DYNC1I1: variants seen among roughly 807,000 people sequenced by gnomAD.
The protein encoded by DYNC1I1 is cytoplasmic dynein 1 intermediate chain 1.
DYNC1I1 carries 43 observed loss-of-function variants against 86.6 expected under a neutral mutation model. The ratio of observed to expected loss-of-function variants is 0.50; its 90% CI spans 0.39 to 0.64. The LOEUF (loss-of-function observed/expected upper bound fraction) is 0.64, where lower values mean the gene tolerates loss of function less well. Among genes scored for constraint, DYNC1I1 ranks in the 30% least tolerant of loss-of-function variants. The pLI, the probability that DYNC1I1 is intolerant of heterozygous loss-of-function variation, is 0.00. For missense variants in DYNC1I1, 604 were observed against 788.8 expected (o/e 0.77, Z 2.81); for synonymous variants, 262 against 283.7 (o/e 0.92, Z 0.77).
At chr7:96,094,932 C>A (rs750304784) in intron 16 of DYNC1I1, among the ~76,000 whole-genome samples, 8 of 151,990 alleles carry the variant, frequency 5.3e-5, no homozygotes, top group Non-Finnish European at 1.2e-4. Context: ...AACAAATATC[C>A]CTAAAAAACA....
At chr7:95,866,711 A>G (rs1790026047) in intron 5 of DYNC1I1, among the ~76,000 whole-genome samples, 1 of 152,262 alleles carries the variant, frequency 6.6e-6, no homozygotes, top group Non-Finnish European at 1.5e-5. Flanking sequence ...TCCAGAGATC[A>G]TATGGAAAGA....
chr7:95,834,926 C>T (rs1789033009), intron 5 of DYNC1I1, among the ~76,000 whole-genome samples: 1 of 151,700 alleles, frequency 6.6e-6, no homozygotes, highest in South Asian at 2.1e-4. Context: ...AAGCCAGCTC[C>T]TGGATTCATT....
intron 16 of DYNC1I1, among the ~76,000 whole-genome samples, chr7:96,107,959 T>A (rs1161964544): frequency 6.7e-6 from 1 of 149,688 alleles, no homozygotes; most frequent in Non-Finnish European, 1.5e-5. Flanking sequence ...CAACTATTAA[T>A]CTTATTGAGG....
chr7:95,820,337 G>C (rs1249449215), intron 4 of DYNC1I1, among the ~76,000 whole-genome samples: 3 of 152,166 alleles, frequency 2.0e-5, no homozygotes, highest in African/African-American at 7.2e-5. Flanking sequence ...TGTGACAGAT[G>C]AGTGATATGA....
chr7:95,950,983 A>G (rs1258552801), intron 6 of DYNC1I1, among the ~76,000 whole-genome samples: 2 of 152,206 alleles, frequency 1.3e-5, no homozygotes, highest in African/African-American at 4.8e-5. Flanking sequence ...TAACACTTCA[A>G]AATGAAATTG....
chr7:96,036,358 G>A (rs1794926858), intron 13 of DYNC1I1, among the ~76,000 whole-genome samples: 1 of 152,148 alleles, frequency 6.6e-6, no homozygotes, highest in Admixed American at 6.5e-5. Flanking sequence ...GAACAAGACA[G>A]ACCTAGAGTT....
At chr7:95,932,848 A>G (rs1299316721) in intron 6 of DYNC1I1, among the ~76,000 whole-genome samples, 1 of 150,716 alleles carries the variant, frequency 6.6e-6, no homozygotes, top group Non-Finnish European at 1.5e-5. Flanking sequence ...AAAGTTTTCT[A>G]GTTTGTCAGA....
chr7:95,981,484 G>A (rs1471238383), intron 7 of DYNC1I1, among the ~76,000 whole-genome samples: 1 of 152,004 alleles, frequency 6.6e-6, no homozygotes, highest in Non-Finnish European at 1.5e-5. Context: ...GCTGTCTTCT[G>A]AATTTCATGT....
Position 96,076,131 on chromosome 7 carries a change from T to G in DYNC1I1, c.1584T>G (p.Pro528=), listed in dbSNP as rs146637022. 2 of 1,614,060 alleles carry G rather than the reference T, an allele frequency of 1.2e-6. No individual in the cohort carries two copies. Among genetic ancestry groups the G allele is most frequent in the African/African-American group, 1.3e-5 (1 of 74,932 alleles). The change falls in exon 15 of 17, where the codon CCT becomes CCG. Residue 528 remains proline, a synonymous_variant. Transcript: ENST00000447467. ...VYDVMWSPVH[P]ALFACVDGMG... is the part of the protein sequence containing the mutation. ...ATGTCATGTGGTCCCCCGTGCATCC[T>G]GCGCTTTTTGCCTGCGTGGACGGGA...
At chr7:95,810,292 C>T in intron 2 of DYNC1I1, 100 bp from the exon 3 acceptor site, 2 of 879,444 alleles carry the variant, frequency 2.3e-6, no homozygotes, top group Non-Finnish European at 1.7e-6. Flanking sequence ...AGGGCTTTCA[C>T]CTTGTCTTCA....
Position 96,078,410 on chromosome 7 carries a change from C to T in DYNC1I1, c.1651-1953C>T, listed in dbSNP as rs79921129. 4.8e-3 allele frequency among the ~76,000 whole-genome samples: 724 copies of T among 152,116 alleles called. 8 individuals carry two copies. Among genetic ancestry groups the T allele is most frequent in the African/African-American group, 0.016 (648 of 41,530 alleles). Reference sequence around the variant, plus strand: ...CAACTTTTGAAAGGTCATTACTGATCGGATTAATGCAAATATATTTTGTCA... The same window carrying T: ...CAACTTTTGAAAGGTCATTACTGATTGGATTAATGCAAATATATTTTGTCA... On this transcript the variant is annotated intron_variant, in intron 15 of 16. Coordinates refer to ENST00000447467, the MANE Select transcript of DYNC1I1 (RefSeq NM_001135556.2).
chr7:96,107,878 T>TG (rs1158423100), intron 16 of DYNC1I1, among the ~76,000 whole-genome samples: 1 of 150,858 alleles, frequency 6.6e-6, no homozygotes, highest in Non-Finnish European at 1.5e-5. Flanking sequence ...GGTTTTTTTT[T>TG]TTTTTTTTTT....
intron 6 of DYNC1I1, among the ~76,000 whole-genome samples, chr7:95,876,393 A>G (rs1790309701): frequency 6.6e-6 from 1 of 152,170 alleles, no homozygotes. Flanking sequence ...GTAAGGAAAA[A>G]AACTGGAATA....
chr7:95,933,665 C>T (rs908247073), intron 6 of DYNC1I1, among the ~76,000 whole-genome samples: 1 of 151,984 alleles, frequency 6.6e-6, no homozygotes, highest in Non-Finnish European at 1.5e-5. Flanking sequence ...GAATCCAAAC[C>T]CTTGCAGAGG....
intron 5 of DYNC1I1, among the ~76,000 whole-genome samples, chr7:95,868,801 G>A (rs141519328): frequency 4.3e-4 from 65 of 152,222 alleles, no homozygotes; most frequent in African/African-American, 1.4e-3. Flanking sequence ...CTCTGTCTCC[G>A]TTTTACAGAT....
chr7:95,906,546 C>T (rs181982427), intron 6 of DYNC1I1, among the ~76,000 whole-genome samples: 7 of 151,836 alleles, frequency 4.6e-5, no homozygotes, highest in African/African-American at 1.4e-4. Context: ...TCCTTGATCT[C>T]GGTGAAGGAC....
At chr7:96,005,627 A>G (rs1036266573) in intron 10 of DYNC1I1, among the ~76,000 whole-genome samples, 17 of 152,210 alleles carry the variant, frequency 1.1e-4, no homozygotes, top group African/African-American at 4.1e-4. Flanking sequence ...AACTCCTGGA[A>G]AAGAACTGCT....
Position 95,806,751 on chromosome 7 carries a change from C to T in DYNC1I1, c.108+1914C>T, listed in dbSNP as rs1314459802. On this transcript the variant is annotated intron_variant, in intron 2 of 16. Coordinates refer to ENST00000447467, the MANE Select transcript of DYNC1I1 (RefSeq NM_001135556.2). ...TTGGACCACATCATCTGTAGTGTCT[C>T]TCCTGGCTTGAAATCTTTTCCCTTC... Among the ~76,000 whole-genome samples the T allele has an allele frequency of 2.6e-5, 4 of 152,274 alleles. No individual in the cohort carries two copies. The South Asian group carries it at 8.3e-4, about 32-fold the overall frequency.
chr7:95,928,326 A>G (rs1262549984), intron 6 of DYNC1I1, among the ~76,000 whole-genome samples: 1 of 152,210 alleles, frequency 6.6e-6, no homozygotes, highest in African/African-American at 2.4e-5. Flanking sequence ...GACCTAAGTT[A>G]CTTTATTTCC....
Sources: allele counts gnomAD v4.1 joint callset (sites outside exome capture counted in the v4.1 genomes callset), GRCh38; gene constraint gnomAD v4.1.1; transcripts MANE v1.5; gene names NCBI Gene and HGNC (gene_info 2026-07-23, HGNC 2026-07-21).